PCDHGA3: variants seen among roughly 807,000 people sequenced by gnomAD.
PCDHGA3 encodes protocadherin gamma-A3.
In PCDHGA3, 40 loss-of-function variants were observed where a neutral mutation model predicts 58.5. The ratio of observed to expected loss-of-function variants is 0.68; its 90% confidence interval spans 0.53 to 0.89. PCDHGA3 has a LOEUF of 0.89. Among genes scored for constraint, PCDHGA3 ranks in the 40% least tolerant of loss-of-function variants. PCDHGA3 has a pLI of 0.00. For synonymous variants in PCDHGA3, 530 were observed against 525.7 expected (o/e 1.01, Z -0.11); for missense variants, 1,223 against 1,195.9 (o/e 1.02, Z -0.33).
At chr5:141,509,015 C>G (rs1370464396) in intron 3 of PCDHGA3, among the ~76,000 whole-genome samples, 2 of 152,098 alleles carry the variant, frequency 1.3e-5, no homozygotes, top group African/African-American at 4.8e-5. Context: ...AAGTGGGCAG[C>G]TGCTCCCTCC....
Position 141,490,157 on chromosome 5 carries a change from G to T in PCDHGA3, c.2425-4650G>T. 1 of 1,614,210 alleles carries T rather than the reference G, an allele frequency of 6.2e-7. No homozygotes were observed. The highest frequency in any genetic ancestry group is 8.5e-7 in the Non-Finnish European group (1 of 1,180,038). On this transcript the variant is annotated intron_variant, in intron 1 of 3. Transcript: ENST00000253812. This position sits in a 1 kb window ranked among gnomAD's most constrained non-coding sequence, Gnocchi z 5.4. ...AGCAGTGGGGCAATCCATGTGTTGGGTCCCATAGACTTTGAGGAGTCACGT... is the reference window on the plus strand; with the variant it reads ...AGCAGTGGGGCAATCCATGTGTTGGTTCCCATAGACTTTGAGGAGTCACGT...
intron 1 of PCDHGA3, chr5:141,395,876 T>C (rs1175297322): frequency 6.6e-6 from 1 of 152,090 alleles, no homozygotes; most frequent in Non-Finnish European, 1.5e-5. Context: ...AGTATGTGAG[T>C]CAGTGGTCAC....
intron 1 of PCDHGA3, chr5:141,415,110 C>A: frequency 6.2e-7 from 1 of 1,613,666 alleles, no homozygotes; most frequent in Middle Eastern, 1.7e-4. Flanking sequence ...TCAAGCAAAG[C>A]CTCGTAGTGG....
intron 1 of PCDHGA3, among the ~76,000 whole-genome samples, chr5:141,446,430 T>A (rs1468987045): frequency 6.6e-6 from 1 of 152,058 alleles, no homozygotes; most frequent in Non-Finnish European, 1.5e-5. Flanking sequence ...ATTTGAAGGA[T>A]CTGAGAAACA....
rs377547144 is a variant in PCDHGA3, at chr5:141,409,030, G to A, written c.2424+62573G>A. The stretch of plus-strand genomic sequence containing the variant: ...ACCAGGATGAGGGGGTCAATGCTGA[G>A]ATAAACTACTACTTCCGAAGCACTG... On this transcript the variant is annotated intron_variant, in intron 1 of 3. Transcript: ENST00000253812. 9.9e-6 allele frequency: 16 copies of A among 1,613,892 alleles called. No homozygotes were observed. The African/African-American group carries it at 2.0e-4, about 20-fold the overall frequency.
Position 141,491,793 on chromosome 5 carries a change from C to A in PCDHGA3, c.2425-3014C>A. 6.6e-7 allele frequency: 1 copy of A among 1,511,410 alleles called. No homozygotes were observed. The highest frequency in any genetic ancestry group is 1.3e-5 in the South Asian group (1 of 77,572). The allele number at this position is 1,511,410 out of a possible 1,614,324, so 93.6% of individuals were successfully genotyped here. On this transcript the variant is annotated intron_variant, in intron 1 of 3. Coordinates refer to ENST00000253812, the MANE Select transcript of PCDHGA3 (RefSeq NM_018916.4). This position sits in a 1 kb window ranked among gnomAD's most constrained non-coding sequence, Gnocchi z 6.9. ...AGGGATTGAACTTGCATCCACTCCT[C>A]TCCGGCCGGCTTGGTCGCTGGCTGC...
At chr5:141,479,486 A>T (rs72790065) in intron 1 of PCDHGA3, 21,264 of 152,292 alleles carry the variant, frequency 0.14, 1,529 homozygotes, top group Admixed American at 0.16. Context: ...GGGCAGGACC[A>T]TCAGGTTGCC....
chr5:141,417,940 C>T (rs757819377), intron 1 of PCDHGA3: 2 of 1,613,054 alleles, frequency 1.2e-6, no homozygotes, highest in South Asian at 1.1e-5. Context: ...TGTTCTACCC[C>T]ACGCTGTGTG....
At chr5:141,496,662 T>A (rs557106775) in intron 2 of PCDHGA3, among the ~76,000 whole-genome samples, 1 of 152,344 alleles carries the variant, frequency 6.6e-6, no homozygotes, top group African/African-American at 2.4e-5. Flanking sequence ...TGACCCCAGC[T>A]GTTGTCCTTC....
intron 2 of PCDHGA3, among the ~76,000 whole-genome samples, chr5:141,503,166 A>T (rs1246987375): frequency 1.3e-5 from 2 of 151,884 alleles, no homozygotes; most frequent in Admixed American, 1.3e-4. Context: ...CACAATTGCA[A>T]TTACTCTATT....
chr5:141,505,494 A>G lies in PCDHGA3; in HGVS notation c.2572+13A>G. ...GCGTCCGCCAGTGGTAAGTGGTGTC[A>G]GTGTGTGTATGGAAGAGTGGGAGAC... is the stretch of plus-strand genomic sequence containing the variant. On this transcript the variant is annotated intron_variant, in intron 3 of 3. Transcript: ENST00000253812. The G allele has an allele frequency of 6.8e-6, 11 of 1,614,198 alleles. No homozygotes were observed. Among genetic ancestry groups the G allele is most frequent in the Non-Finnish European group, 9.3e-6 (11 of 1,180,006 alleles).
At chr5:141,507,815 C>G (rs936926937) in intron 3 of PCDHGA3, among the ~76,000 whole-genome samples, 2 of 152,204 alleles carry the variant, frequency 1.3e-5, no homozygotes, top group African/African-American at 4.8e-5. Context: ...GGAACGGACC[C>G]TGGGGGTGGA....
chr5:141,441,517 G>A (rs1316654534), intron 1 of PCDHGA3: 1 of 172,138 alleles, frequency 5.8e-6, no homozygotes, highest in South Asian at 1.3e-4. Flanking sequence ...CGTCGTCCAC[G>A]TGGCCAAGAA....
At position 141,511,349 on chromosome 5, in the gene PCDHGA3, C is replaced by CG; in HGVS notation, c.*176_*177insG. On this transcript the variant is annotated 3_prime_UTR_variant, in exon 4 of 4. Coordinates refer to ENST00000253812, the MANE Select transcript of PCDHGA3 (RefSeq NM_018916.4). The stretch of plus-strand genomic sequence containing the variant: ...GCCCAGTCAGCACCTACCCCTTCCC[C>CG]CCCAGGGGGTTGAATATGCAAAAGC... 7.1e-7 allele frequency: 1 copy of CG among 1,401,498 alleles called. No homozygotes were observed. Among genetic ancestry groups the CG allele is most frequent in the African/African-American group, 1.5e-5 (1 of 68,948 alleles). 86.8% of individuals were successfully genotyped at this position (1,401,498 alleles called of 1,614,324 possible).
At chr5:141,388,364 G>A (rs749994962) in intron 1 of PCDHGA3, 12 of 1,613,846 alleles carry the variant, frequency 7.4e-6, no homozygotes, top group Middle Eastern at 1.6e-4. Context: ...CCCATGATGC[G>A]GATATTGGTA....
At position 141,344,585 on chromosome 5, in the gene PCDHGA3, C is replaced by G. The variant is rs1757440405; in HGVS notation, c.552C>G (p.Ser184Arg). 8 of 1,613,976 alleles carry G rather than the reference C, an allele frequency of 5.0e-6. No individual in the cohort carries two copies. Among genetic ancestry groups the G allele is most frequent in the Non-Finnish European group, 5.1e-6 (6 of 1,179,882 alleles). The change falls in exon 1 of 4, where the codon AGC (serine) becomes AGG (arginine). Residue 184 changes from serine to arginine, a missense_variant. By Grantham distance (110) the Ser-to-Arg change is moderately radical (BLOSUM62 -1). This residue lies in a region of PCDHGA3 where 791 missense variants were observed against 708.5 expected (regional missense o/e 1.12). Coordinates refer to ENST00000253812, the MANE Select transcript of PCDHGA3 (RefSeq NM_018916.4). The stretch of plus-strand genomic sequence containing the variant: ...ACTACTTCTCTCTGGCTGTGAATAG[C>G]GTCTCTGAGGGGGCCAAGTATCCAG... ...PNDYFSLAVNSVSEGAKYPEL... is the reference protein window; with the variant it reads ...PNDYFSLAVNRVSEGAKYPEL...
chr5:141,377,812 C>T (rs535022477), intron 1 of PCDHGA3: 1 of 152,244 alleles, frequency 6.6e-6, no homozygotes, highest in Admixed American at 6.5e-5. Flanking sequence ...CTGTTATTTA[C>T]TTGGGCCAGT....
intron 1 of PCDHGA3, chr5:141,402,863 A>C: frequency 1.2e-5 from 17 of 1,429,924 alleles, no homozygotes; most frequent in Non-Finnish European, 1.6e-5. Flanking sequence ...TCTAAGGAAA[A>C]GATCACCATA....
Position 141,345,616 on chromosome 5 carries a change from T to TA in PCDHGA3, c.1586dup (p.Leu530AlafsTer257). ...TTCGACTACGAGCAATTTAGAGACT[T>TA]AAAGCTACTGGTGACAGCCAGCGAC... is the stretch of plus-strand genomic sequence containing the variant. On this transcript the variant is annotated frameshift_variant, in exon 1 of 4. Coordinates refer to ENST00000253812, the MANE Select transcript of PCDHGA3 (RefSeq NM_018916.4). LOFTEE classifies it high-confidence loss of function. 6.2e-7 allele frequency: 1 copy of TA among 1,614,174 alleles called. No individual in the cohort carries two copies. Among genetic ancestry groups the TA allele is most frequent in the Non-Finnish European group, 8.5e-7 (1 of 1,180,026 alleles).
Sources: gnomAD v4.1 joint callset for allele counts (sites outside exome capture counted in the v4.1 genomes callset) on GRCh38, gnomAD v4.1.1 for gene constraint, gnomAD v4.1.1 regional missense constraint, Gnocchi (gnomAD v3.1) non-coding constraint, MANE v1.5 for transcripts, NCBI Gene and HGNC (gene_info 2026-07-23, HGNC 2026-07-21) for gene names.